LUZP2: variants seen among roughly 807,000 people sequenced by gnomAD.
The protein encoded by LUZP2 is leucine zipper protein 2.
LUZP2 carries 52 observed loss-of-function variants against 51.6 expected under a neutral mutation model. That is an observed-to-expected ratio of 1.01 (90% CI 0.81 to 1.27). LUZP2 has a LOEUF of 1.27. Among genes scored for constraint, LUZP2 ranks in the 50% most tolerant of loss-of-function variants. LUZP2 has a pLI of 0.00. For missense variants in LUZP2, 436 were observed against 395.4 expected, an observed-to-expected ratio of 1.10 and a Z score of -0.87; for synonymous variants, 154 against 137.3, an observed-to-expected ratio of 1.12 and a Z score of -0.85.
At chr11:24,862,674 T>C (rs1370140241) in intron 5 of LUZP2, among the ~76,000 whole-genome samples, 1 of 152,116 alleles carries the variant, frequency 6.6e-6, no homozygotes, top group Non-Finnish European at 1.5e-5. Context: ...AGGCTCAAAA[T>C]TATGGGATGG....
chr11:24,628,925 C>T (rs542499027), intron 1 of LUZP2, among the ~76,000 whole-genome samples: 25 of 151,790 alleles, frequency 1.6e-4, no homozygotes, highest in Admixed American at 7.2e-4. Context: ...TACATATACA[C>T]GTATAGATAT....
chr11:24,901,790 A>G (rs1176958678), intron 5 of LUZP2, among the ~76,000 whole-genome samples: 1 of 152,124 alleles, frequency 6.6e-6, no homozygotes, highest in Non-Finnish European at 1.5e-5. Flanking sequence ...ATTGACCTCC[A>G]TAATTCTGCT....
chr11:25,078,735 T>C lies in LUZP2; in HGVS notation c.*77T>C. On this transcript the variant is annotated 3_prime_UTR_variant, in exon 12 of 12. Coordinates refer to ENST00000336930, the MANE Select transcript of LUZP2 (RefSeq NM_001009909.4). ...TTTTAGACCACAAGCTTGATGGAAA[T>C]ACTGTTTCTAAAGCATGCAACTTTT... 9.0e-7 allele frequency: 1 copy of C among 1,111,082 alleles called. No individual in the cohort carries two copies. The highest frequency in any genetic ancestry group is 1.4e-5 in the South Asian group (1 of 70,856). 68.8% of individuals were successfully genotyped at this position (1,111,082 alleles called of 1,614,324 possible).
chr11:24,898,945 C>T (rs1565077611), intron 5 of LUZP2, among the ~76,000 whole-genome samples: 1 of 151,568 alleles, frequency 6.6e-6, no homozygotes. Flanking sequence ...AGAATACAAA[C>T]AAACAAAAGA....
intron 5 of LUZP2, among the ~76,000 whole-genome samples, chr11:24,796,746 C>T (rs1443275212): frequency 6.6e-6 from 1 of 152,040 alleles, no homozygotes; most frequent in Non-Finnish European, 1.5e-5. Context: ...TGAAGTATTG[C>T]TTCACACTTG....
intron 10 of LUZP2, among the ~76,000 whole-genome samples, chr11:25,058,669 A>T (rs1445288889): frequency 6.6e-6 from 1 of 152,210 alleles, no homozygotes; most frequent in East Asian, 1.9e-4. Context: ...ATTGTAAATT[A>T]AGGTTCAGAG....
intron 1 of LUZP2, among the ~76,000 whole-genome samples, chr11:24,546,032 C>CT (rs1851529077): frequency 6.6e-6 from 1 of 151,948 alleles, no homozygotes; most frequent in African/African-American, 2.4e-5. Context: ...GTATTTTATG[C>CT]TTTTTTAGCA....
chr11:24,524,229 T>G (rs1447782842), intron 1 of LUZP2, among the ~76,000 whole-genome samples: 1 of 151,838 alleles, frequency 6.6e-6, no homozygotes, highest in African/African-American at 2.4e-5. Context: ...ACAGTTTTTA[T>G]TGCCTACACA....
intron 5 of LUZP2, among the ~76,000 whole-genome samples, chr11:24,871,038 G>C (rs2896715): frequency 6.6e-6 from 1 of 151,528 alleles, no homozygotes; most frequent in Non-Finnish European, 1.5e-5. Context: ...ATTATATTTA[G>C]GTCCATTCTT....
chr11:25,052,483 G>C (rs1473752730), intron 10 of LUZP2, among the ~76,000 whole-genome samples: 1 of 152,110 alleles, frequency 6.6e-6, no homozygotes, highest in Non-Finnish European at 1.5e-5. Context: ...ACTAATAATA[G>C]ATTTCCCATT....
At chr11:25,014,712 C>G (rs1857093838) in intron 9 of LUZP2, among the ~76,000 whole-genome samples, 2 of 152,150 alleles carry the variant, frequency 1.3e-5, no homozygotes, top group African/African-American at 2.4e-5. Flanking sequence ...CCTGTTCACT[C>G]TGATGGTAGT....
rs539089880 is a variant in LUZP2 at position 24,771,047 on chromosome 11, C to A, written c.396+7739C>A. Among the ~76,000 whole-genome samples, 4 of 152,222 alleles carry A rather than the reference C, an allele frequency of 2.6e-5. No individual in the cohort carries two copies. The East Asian group carries it at 7.7e-4, about 29-fold the overall frequency. On this transcript the variant is annotated intron_variant, in intron 5 of 11. Transcript: ENST00000336930. Reference sequence around the variant, plus strand: ...TCCTGTATCCACATATTGCACAGATCATGTCTGAATAGTAAAGCCTAAGTC... The same window carrying A: ...TCCTGTATCCACATATTGCACAGATAATGTCTGAATAGTAAAGCCTAAGTC...
intron 7 of LUZP2, among the ~76,000 whole-genome samples, chr11:24,963,751 G>A (rs531466147): frequency 1.1e-4 from 17 of 152,124 alleles, no homozygotes; most frequent in Admixed American, 7.2e-4. Context: ...GCTTCGGCTC[G>A]TGCACGGTGC....
At chr11:25,077,149 C>T (rs1004693797) in intron 10 of LUZP2, among the ~76,000 whole-genome samples, 180 bp from the exon 11 acceptor site, 2 of 152,186 alleles carry the variant, frequency 1.3e-5, no homozygotes, top group Admixed American at 6.5e-5. Flanking sequence ...GGAATGCTTG[C>T]TCTCTCCTTG....
intron 1 of LUZP2, among the ~76,000 whole-genome samples, chr11:24,704,454 A>AC (rs1168852477): frequency 6.6e-6 from 1 of 151,872 alleles, no homozygotes; most frequent in Non-Finnish European, 1.5e-5. Context: ...GAAAAAAAAA[A>AC]AACAGGATTA....
chr11:24,612,323 AT>A (rs1854150701), intron 1 of LUZP2, among the ~76,000 whole-genome samples: 1 of 152,130 alleles, frequency 6.6e-6, no homozygotes, highest in African/African-American at 2.4e-5. Context: ...AAAACGTTGC[AT>A]TTTAAATATT....
In LUZP2 at chr11:25,045,126, G is replaced by T. The variant is rs199868496; in HGVS notation, c.766-4912G>T. Among the ~76,000 whole-genome samples the T allele has an allele frequency of 2.0e-5, 3 of 151,224 alleles. No homozygotes were observed. In the East Asian group the frequency reaches 5.9e-4, roughly 30 times the overall value. On this transcript the variant is annotated intron_variant, in intron 9 of 11. Coordinates refer to ENST00000336930, the MANE Select transcript of LUZP2 (RefSeq NM_001009909.4). ...AATGCTAAATGACGAGTTAATGGGT[G>T]CAGCACACCAACATGGCACATGTAT... is the stretch of plus-strand genomic sequence containing the variant.
chr11:24,976,715 A>G lies in LUZP2; in HGVS notation c.597+50A>G, dbSNP rs773283455. ...ACAACTGTAGTTTTAGCAAAAAAAA[A>G]AAAAAAAAAAAAAAAGTTAAAGTAT... On this transcript the variant is annotated intron_variant, in intron 8 of 11. Transcript: ENST00000336930. 7 of 839,276 alleles carry G rather than the reference A, an allele frequency of 8.3e-6. No individual in the cohort carries two copies. In the South Asian group the frequency reaches 1.2e-4, roughly 14 times the overall value. 52.0% of individuals were successfully genotyped at this position (839,276 alleles called of 1,614,324 possible). A position where few individuals can be genotyped will look rare whatever the true frequency, so the allele number is the denominator to read the frequency against.
At chr11:24,955,949 T>C (rs549516946) in intron 7 of LUZP2, among the ~76,000 whole-genome samples, 1 of 152,018 alleles carries the variant, frequency 6.6e-6, no homozygotes, top group Admixed American at 6.6e-5. Flanking sequence ...AGAATGACTT[T>C]GTGAAGGGGA....
Sources: gnomAD v4.1 joint callset for allele counts (sites outside exome capture counted in the v4.1 genomes callset) on GRCh38, gnomAD v4.1.1 for gene constraint, MANE v1.5 for transcripts, NCBI Gene and HGNC (gene_info 2026-07-23, HGNC 2026-07-21) for gene names.